Variants in ANKAR observed in about 807,000 individuals in gnomAD.
The protein encoded by ANKAR is ankyrin and armadillo repeat containing, also known as ankyrin and armadillo repeat-containing protein.
A neutral mutation model predicts 146.2 loss-of-function variants in ANKAR; 136 were observed. That is an observed-to-expected ratio of 0.93 (90% CI 0.81 to 1.07). ANKAR has a LOEUF of 1.07. ANKAR is among the 50% of genes least tolerant of loss of function. The pLI is 0.00. For missense variants in ANKAR, 1,567 were observed against 1,679.9 expected, an observed-to-expected ratio of 0.93 and a Z score of 1.18; for synonymous variants, 500 against 575.8, an observed-to-expected ratio of 0.87 and a Z score of 1.88.
downstream of ANKAR, among the ~76,000 whole-genome samples, chr2:189,749,891 G>A (rs556973988): frequency 1.3e-5 from 2 of 152,226 alleles, no homozygotes; most frequent in East Asian, 3.9e-4. Flanking sequence ...GGAGGCTGAG[G>A]CAGGCAGATT....
chr2:189,699,528 T>A (rs1282550328), intron 7 of ANKAR, among the ~76,000 whole-genome samples: 1 of 152,240 alleles, frequency 6.6e-6, no homozygotes, highest in Non-Finnish European at 1.5e-5. Flanking sequence ...TCTTCCCACC[T>A]ATCATTCATT....
chr2:189,730,086 T>G (rs2105842368), intron 15 of ANKAR, among the ~76,000 whole-genome samples: 1 of 152,284 alleles, frequency 6.6e-6, no homozygotes, highest in South Asian at 2.1e-4. Flanking sequence ...CGTGTATAAT[T>G]TAAGAAACCA....
chr2:189,724,480 AC>A (rs1271616211), intron 12 of ANKAR, among the ~76,000 whole-genome samples: 3 of 151,650 alleles, frequency 2.0e-5, no homozygotes, highest in African/African-American at 2.4e-5. Context: ...TTTGTTCTTT[AC>A]TCTGGCCTTT....
intron 12 of ANKAR, among the ~76,000 whole-genome samples, chr2:189,721,941 A>G (rs1254916210): frequency 2.0e-5 from 3 of 152,186 alleles, no homozygotes; most frequent in Non-Finnish European, 2.9e-5. Flanking sequence ...AAGAACCTCT[A>G]TCGTGTGGTG....
In ANKAR at chr2:189,728,009, C is replaced by T. The variant is rs751507086; in HGVS notation, c.2789C>T (p.Ala930Val). 6.2e-7 allele frequency: 1 copy of T among 1,613,874 alleles called. No individual in the cohort carries two copies. The highest frequency in any genetic ancestry group is 8.5e-7 in the Non-Finnish European group (1 of 1,179,974). ...QISVQMKGAM[A>V]VESLASHNAL... Reference sequence around the variant, plus strand: ...AGTGTCCAAATGAAAGGTGCAATGGCTGTGGAATCACTGGCAAGTCACAAC... The same window carrying T: ...AGTGTCCAAATGAAAGGTGCAATGGTTGTGGAATCACTGGCAAGTCACAAC... The change falls in exon 13 of 23, where the codon GCT (alanine) becomes GTT (valine). Residue 930 changes from alanine to valine, a missense_variant. Physicochemically the swap from Ala to Val is moderately conservative, Grantham distance 64. Transcript: ENST00000684021.
Position 189,744,727 on chromosome 2 carries a change from A to G in ANKAR, c.4011-15A>G, listed in dbSNP as rs1394008910. On this transcript the variant is annotated splice_polypyrimidine_tract_variant and intron_variant, in intron 21 of 22. Coordinates refer to ENST00000684021, the MANE Select transcript of ANKAR (RefSeq NM_001378068.1). ...GTCTTCATTTATTTTAATGACAAAAATGTTTTCCTTTTAGTCTGGAGAAGA... is the reference window on the plus strand; with the variant it reads ...GTCTTCATTTATTTTAATGACAAAAGTGTTTTCCTTTTAGTCTGGAGAAGA... 6.4e-7 allele frequency: 1 copy of G among 1,571,588 alleles called. No homozygotes were observed. The highest frequency in any genetic ancestry group is 8.7e-7 in the Non-Finnish European group (1 of 1,147,672).
intron 9 of ANKAR, among the ~76,000 whole-genome samples, chr2:189,708,185 A>C (rs1180692550): frequency 2.0e-5 from 3 of 152,218 alleles, no homozygotes; most frequent in Non-Finnish European, 4.4e-5. Flanking sequence ...AGGAAAACTA[A>C]GCAGATGAAA....
chr2:189,762,462 C>G, downstream of ANKAR: 1 of 509,226 alleles, frequency 2.0e-6, no homozygotes, highest in Non-Finnish European at 2.5e-6. Flanking sequence ...GCAGCCCAGA[C>G]AGACACAACC....
At chr2:189,717,466 G>A (rs2040623495) in intron 10 of ANKAR, among the ~76,000 whole-genome samples, 1 of 152,194 alleles carries the variant, frequency 6.6e-6, no homozygotes, top group South Asian at 2.1e-4. Flanking sequence ...TGGAGAAATA[G>A]GAATGCTTTT....
Position 189,752,685 on chromosome 2 carries a change from T to TA in ANKAR, c.*584+7901dup, listed in dbSNP as rs568165204. 6,388 of 1,613,920 alleles carry TA rather than the reference T, an allele frequency of 4.0e-3. 18 individuals are homozygous for TA. The highest frequency in any genetic ancestry group is 4.9e-3 in the Non-Finnish European group (5,742 of 1,179,880). ...CATAGCGGATGCCTTCTATGTCATGTAAAATGCCCAAGCCAGCACGTAGTC... is the reference window on the plus strand; with the variant it reads ...CATAGCGGATGCCTTCTATGTCATGTAAAAATGCCCAAGCCAGCACGTAGTC... On this transcript the variant is annotated intron_variant and NMD_transcript_variant, in intron 18 of 18. Transcript: ENST00000441800.
At chr2:189,726,515 A>C (rs1165345088) in intron 12 of ANKAR, among the ~76,000 whole-genome samples, 1 of 152,134 alleles carries the variant, frequency 6.6e-6, no homozygotes, top group African/African-American at 2.4e-5. Flanking sequence ...CATCAAACAA[A>C]CCCAAACTGA....
downstream of ANKAR, chr2:189,761,622 T>G (rs367709308): frequency 8.4e-5 from 135 of 1,601,220 alleles, no homozygotes; most frequent in Non-Finnish European, 1.1e-4. Flanking sequence ...ACTCCTGCAG[T>G]CTTAGTCAAG....
intron 18 of ANKAR, among the ~76,000 whole-genome samples, chr2:189,757,100 A>G (rs2046194600): frequency 6.6e-6 from 1 of 152,242 alleles, no homozygotes; most frequent in Non-Finnish European, 1.5e-5. Flanking sequence ...ATTTGTAGAC[A>G]GTATGGAGTG....
intron 10 of ANKAR, 44 bp downstream of exon 10, chr2:189,711,197 G>C: frequency 7.2e-7 from 1 of 1,398,028 alleles, no homozygotes; most frequent in Non-Finnish European, 9.9e-7. Context: ...ATTTTATGTA[G>C]AGCTATATTT....
At chr2:189,755,421 C>G in intron 18 of ANKAR, 1 of 1,609,798 alleles carries the variant, frequency 6.2e-7, no homozygotes, top group African/African-American at 1.3e-5. Flanking sequence ...AGGCTTAAAG[C>G]AAGTCCTGGT....
chr2:189,722,313 TG>T, intron 12 of ANKAR, among the ~76,000 whole-genome samples: 1 of 118,254 alleles, frequency 8.5e-6, no homozygotes. Context: ...CACTCTAGCC[TG>T]GGCAACAGAG....
At chr2:189,748,537 TAA>T (rs2044532698), downstream of ANKAR, among the ~76,000 whole-genome samples, 1 of 152,356 alleles carries the variant, frequency 6.6e-6, no homozygotes, top group East Asian at 1.9e-4. Context: ...CACTAAAAAA[TAA>T]GAGACCTCTT....
intron 7 of ANKAR, among the ~76,000 whole-genome samples, chr2:189,701,973 A>T (rs537237265): frequency 6.6e-6 from 1 of 152,228 alleles, no homozygotes; most frequent in South Asian, 2.1e-4. Context: ...CTATCATCCT[A>T]TGATTATATC....
chr2:189,741,319 C>G (rs1649061068), intron 19 of ANKAR, 23 bp from the exon 20 acceptor site: 6 of 1,510,254 alleles, frequency 4.0e-6, no homozygotes, highest in Non-Finnish European at 4.5e-6. Flanking sequence ...ATAACACAAG[C>G]ATTTTTCTTG....
Sources: allele counts gnomAD v4.1 joint callset (sites outside exome capture counted in the v4.1 genomes callset), GRCh38; gene constraint gnomAD v4.1.1; transcripts MANE v1.5; gene names NCBI Gene and HGNC (gene_info 2026-07-23, HGNC 2026-07-21).